The following FRY variants were observed in gnomAD, a reference collection of about 807,000 sequenced individuals.
The protein encoded by FRY is protein furry homolog.
Under a neutral mutation model 348.4 loss-of-function variants are expected in FRY, and 128 were observed. The ratio of observed to expected loss-of-function variants is 0.37; its 90% CI spans 0.32 to 0.43. The LOEUF (loss-of-function observed/expected upper bound fraction) is 0.43, where lower values mean the gene tolerates loss of function less well. Among genes scored for constraint, FRY ranks in the 20% least tolerant of loss-of-function variants. The pLI, the probability that FRY is intolerant of heterozygous loss-of-function variation, is 1.00. For synonymous variants in FRY, 1,370 were observed against 1,374.7 expected, an observed-to-expected ratio of 1.00 and a Z score of 0.08; for missense variants, 2,736 against 3,695.2, an observed-to-expected ratio of 0.74 and a Z score of 6.73.
intron 46 of FRY, among the ~76,000 whole-genome samples, chr13:32,242,817 G>A (rs1273352947): frequency 2.6e-5 from 4 of 152,214 alleles, no homozygotes; most frequent in Non-Finnish European, 4.4e-5. Context: ...TTACAGGCAT[G>A]AGCCACCGCG....
intron 39 of FRY, among the ~76,000 whole-genome samples, chr13:32,226,719 T>C (rs1431839286): frequency 3.3e-5 from 5 of 152,238 alleles, no homozygotes; most frequent in Admixed American, 6.5e-5. Context: ...CACATGTCAC[T>C]GTGTGCTTTC....
At chr13:32,060,815 C>T in intron 1 of FRY, 1 of 289,534 alleles carries the variant, frequency 3.5e-6, no homozygotes, top group Non-Finnish European at 6.9e-6. Flanking sequence ...TACGGGCACT[C>T]TGTGAGTTGT....
At chr13:32,234,833 G>A in intron 42 of FRY, 72 bp downstream of exon 42, 4 of 1,240,448 alleles carry the variant, frequency 3.2e-6, no homozygotes, top group Non-Finnish European at 3.6e-6. Context: ...AACTATTTTT[G>A]AGCCTTTCTT....
At chr13:32,204,861 G>A (rs1884260989) in intron 31 of FRY, among the ~76,000 whole-genome samples, 2 of 152,168 alleles carry the variant, frequency 1.3e-5, no homozygotes. Context: ...AATACAGAGG[G>A]AAATAAAAGT....
chr13:32,145,678 G>C (rs1880393643), intron 11 of FRY, among the ~76,000 whole-genome samples: 1 of 151,208 alleles, frequency 6.6e-6, no homozygotes, highest in Non-Finnish European at 1.5e-5. Flanking sequence ...CCGAGTAGCT[G>C]GGACTACAGG....
At chr13:32,123,407 C>T (rs1878805044) in intron 4 of FRY, among the ~76,000 whole-genome samples, 1 of 152,238 alleles carries the variant, frequency 6.6e-6, no homozygotes, top group African/African-American at 2.4e-5. Context: ...TCTCTCACCA[C>T]CCCTTCACTT....
chr13:32,086,795 G>A (rs776253490), intron 2 of FRY, among the ~76,000 whole-genome samples: 19 of 152,122 alleles, frequency 1.2e-4, no homozygotes, highest in Non-Finnish European at 2.1e-4. Context: ...GACTAAGAAT[G>A]AGAGCTGTGC....
chr13:32,243,889 C>T (rs925545077), intron 46 of FRY, among the ~76,000 whole-genome samples, 153 bp from the exon 47 acceptor site: 6 of 151,894 alleles, frequency 4.0e-5, no homozygotes, highest in South Asian at 2.1e-4. Context: ...GCCAGGAGTT[C>T]GAGACTAGGC....
At position 32,274,874 on chromosome 13, in the gene FRY, T is replaced by C. The variant is rs1432897477; in HGVS notation, c.8169T>C (p.Cys2723=). 2 of 1,613,590 alleles carry C rather than the reference T, an allele frequency of 1.2e-6. No homozygotes were observed. Among genetic ancestry groups the C allele is most frequent in the Non-Finnish European group, 1.7e-6 (2 of 1,179,532 alleles). The change falls in exon 56 of 61, where the codon TGT becomes TGC. Residue 2723 remains cysteine (C), a synonymous_variant. Transcript: ENST00000542859. ...NIQKRFCFLT[C]DAASYLGDNL... The stretch of plus-strand genomic sequence containing the variant: ...AGAAAAGGTTCTGCTTCCTAACCTG[T>C]GATGCAGCCAGTTACCTTGGAGATA...
chr13:32,269,697 T>A (rs78566270), intron 55 of FRY, among the ~76,000 whole-genome samples: 143 of 126,382 alleles, frequency 1.1e-3, no homozygotes, highest in Non-Finnish European at 1.5e-3. Context: ...ATCTCCATTT[T>A]AAAAAAAAAA....
chr13:32,181,692 A>G (rs1398858029), intron 23 of FRY, among the ~76,000 whole-genome samples: 1 of 152,068 alleles, frequency 6.6e-6, no homozygotes, highest in Non-Finnish European at 1.5e-5. Flanking sequence ...ATAGACCTCT[A>G]AATACTTCTG....
chr13:32,145,795 C>T (rs976336871), intron 11 of FRY, among the ~76,000 whole-genome samples: 8 of 151,796 alleles, frequency 5.3e-5, no homozygotes, highest in African/African-American at 1.5e-4. Flanking sequence ...CCACCCGCCT[C>T]GGCCTCCCAA....
intron 1 of FRY, among the ~76,000 whole-genome samples, chr13:32,066,374 A>T (rs1874261353): frequency 6.6e-6 from 1 of 152,212 alleles, no homozygotes. Flanking sequence ...CCCTGGTCAT[A>T]GGTTATACTC....
chr13:32,084,889 AAC>A (rs5802632), intron 2 of FRY, among the ~76,000 whole-genome samples: 78,435 of 149,510 alleles, frequency 0.52, 22,569 homozygotes, highest in Non-Finnish European at 0.64. Context: ...CACACATGCA[AAC>A]ACACACACAC....
In FRY at chr13:32,102,030, A is replaced by G. The variant is rs1372716226; in HGVS notation, c.324+14A>G. The stretch of plus-strand genomic sequence containing the variant: ...CAATTTGATCAGGTATGTGATATAT[A>G]TGTTATATACTAGTTTTCCTTTATT... On this transcript the variant is annotated intron_variant, in intron 3 of 60. Coordinates refer to ENST00000542859, the MANE Select transcript of FRY (RefSeq NM_023037.3). 11 of 1,435,002 alleles carry G rather than the reference A, an allele frequency of 7.7e-6. No homozygotes were observed. Among genetic ancestry groups the G allele is most frequent in the Admixed American group, 5.0e-5 (3 of 59,786 alleles). The allele number at this position is 1,435,002 out of a possible 1,614,324, so 88.9% of individuals were successfully genotyped here. A position where few individuals can be genotyped will look rare whatever the true frequency, so the allele number is the denominator to read the frequency against.
At chr13:32,259,586 G>C (rs549951986) in intron 51 of FRY, among the ~76,000 whole-genome samples, 269 of 152,314 alleles carry the variant, frequency 1.8e-3, no homozygotes, top group Middle Eastern at 3.4e-3. Flanking sequence ...CGCTGCCTAA[G>C]ATAGTTCATC....
chr13:32,221,828 G>A (rs1885330849), intron 36 of FRY, among the ~76,000 whole-genome samples: 1 of 152,162 alleles, frequency 6.6e-6, no homozygotes, highest in Admixed American at 6.5e-5. Context: ...TTACTTTAAA[G>A]ATAATATTGT....
At chr13:32,182,126 T>C (rs148423590) in intron 23 of FRY, among the ~76,000 whole-genome samples, 1 of 152,334 alleles carries the variant, frequency 6.6e-6, no homozygotes, top group African/African-American at 2.4e-5. Flanking sequence ...AGTACAAGGT[T>C]TTCAAACTTG....
At chr13:32,042,418 T>C (rs1872787567) in intron 1 of FRY, among the ~76,000 whole-genome samples, 1 of 152,220 alleles carries the variant, frequency 6.6e-6, no homozygotes, top group Non-Finnish European at 1.5e-5. Context: ...TAGTATACTT[T>C]TGCTATAAAT....
Sources: gnomAD v4.1 joint callset for allele counts (sites outside exome capture counted in the v4.1 genomes callset) on GRCh38, gnomAD v4.1.1 for gene constraint, MANE v1.5 for transcripts, NCBI Gene and HGNC (gene_info 2026-07-23, HGNC 2026-07-21) for gene names.